GPHN: variants seen among roughly 807,000 people sequenced by gnomAD.
The protein encoded by GPHN is gephyrin.
Under a neutral mutation model 95.5 loss-of-function variants are expected in GPHN, and 17 were observed. That is an observed-to-expected ratio of 0.18 (90% confidence interval 0.12 to 0.27). The LOEUF is 0.27. Among genes scored for constraint, GPHN ranks in the 10% least tolerant of loss-of-function variants. The pLI is 1.00. For missense variants in GPHN, 660 were observed against 978.1 expected, an observed-to-expected ratio of 0.67 and a Z score of 4.34; for synonymous variants, 320 against 322.5, an observed-to-expected ratio of 0.99 and a Z score of 0.08.
the GPHN span, among the ~76,000 whole-genome samples, chr14:67,324,334 ATT>A: frequency 4.9e-4 from 74 of 152,312 alleles, no homozygotes; most frequent in African/African-American, 1.7e-3. Context: ...ATAACATGTT[ATT>A]AATAAGACAG....
At chr14:67,171,574 T>C (rs1217808073) in intron 21 of GPHN, among the ~76,000 whole-genome samples, 1 of 152,068 alleles carries the variant, frequency 6.6e-6, no homozygotes, top group Non-Finnish European at 1.5e-5. Context: ...TAACAACTTA[T>C]CTCAAGCAGT....
chr14:66,836,812 A>C (rs1207015701), intron 4 of GPHN, among the ~76,000 whole-genome samples: 1 of 152,100 alleles, frequency 6.6e-6, no homozygotes, highest in East Asian at 1.9e-4. Flanking sequence ...TCAAAAGAAG[A>C]CATTTATGCA....
At chr14:66,898,466 T>TAAAA (rs59434196) in intron 5 of GPHN, among the ~76,000 whole-genome samples, 112 of 91,740 alleles carry the variant, frequency 1.2e-3, no homozygotes, top group African/African-American at 4.3e-3. Flanking sequence ...GCTACTTGTT[T>TAAAA]AAAAAAAAAA....
chr14:66,510,760 C>T (rs535135919), intron 1 of GPHN, among the ~76,000 whole-genome samples: 1 of 152,156 alleles, frequency 6.6e-6, no homozygotes, highest in East Asian at 1.9e-4. Flanking sequence ...GATGAGGCTT[C>T]TGAGCTAAAT....
rs1202054151 is a variant in GPHN, at chr14:66,685,812, G to A, written c.143+4627G>A. 2.6e-5 allele frequency among the ~76,000 whole-genome samples: 4 copies of A among 152,318 alleles called. No homozygotes were observed. The South Asian group carries it at 8.3e-4, about 32-fold the overall frequency. On this transcript the variant is annotated intron_variant, in intron 2 of 22. Transcript: ENST00000478722. ...TTGCTTTTGGTGTTTTAGACATGAA[G>A]TCCTTGCCCATGCCTATGTCCTGAA...
chr14:67,609,725 C>T, the GPHN span, among the ~76,000 whole-genome samples: 2 of 152,094 alleles, frequency 1.3e-5, no homozygotes, highest in African/African-American at 4.8e-5. Context: ...ACCTTTATTG[C>T]TCCAGAGCTG....
At chr14:67,078,194 G>A (rs537696214) in intron 11 of GPHN, among the ~76,000 whole-genome samples, 14 of 152,082 alleles carry the variant, frequency 9.2e-5, no homozygotes, top group Non-Finnish European at 1.3e-4. Flanking sequence ...GCAAATTCCC[G>A]ACATCAAATG....
chr14:66,900,902 T>G (rs150425155), intron 5 of GPHN, among the ~76,000 whole-genome samples: 2 of 152,130 alleles, frequency 1.3e-5, no homozygotes, highest in Non-Finnish European at 2.9e-5. Context: ...TGGATATATA[T>G]CCAGCAGTGC....
the GPHN span, among the ~76,000 whole-genome samples, chr14:67,361,657 A>C: frequency 6.6e-6 from 1 of 152,244 alleles, no homozygotes; most frequent in African/African-American, 2.4e-5. Context: ...TTTGTCATGC[A>C]AAATAACTGA....
chr14:67,161,502 C>T (rs929722782), intron 19 of GPHN, among the ~76,000 whole-genome samples: 1 of 151,986 alleles, frequency 6.6e-6, no homozygotes, highest in African/African-American at 2.4e-5. Context: ...TGGCTCACAC[C>T]TATAATCCCA....
chr14:66,690,989 C>T (rs1018350776), intron 2 of GPHN, among the ~76,000 whole-genome samples: 3 of 152,178 alleles, frequency 2.0e-5, no homozygotes, highest in Admixed American at 6.5e-5. Context: ...GACTCACTTA[C>T]GTATTTCAGT....
chr14:66,849,645 A>G (rs1651118187), intron 4 of GPHN, among the ~76,000 whole-genome samples: 1 of 151,972 alleles, frequency 6.6e-6, no homozygotes, highest in South Asian at 2.1e-4. Flanking sequence ...TTTTATTGGC[A>G]TATTGTAGAG....
intron 3 of GPHN, among the ~76,000 whole-genome samples, chr14:66,799,187 T>C (rs2060260573): frequency 1.3e-5 from 2 of 152,020 alleles, no homozygotes. Context: ...ATGCTTGATA[T>C]TATTTTAGTT....
chr14:66,545,893 C>T (rs1189963291), intron 1 of GPHN, among the ~76,000 whole-genome samples: 10 of 150,774 alleles, frequency 6.6e-5, no homozygotes, highest in South Asian at 2.1e-4. Flanking sequence ...CTGGACGGGG[C>T]GGCTGGCCTA....
At position 67,110,273 on chromosome 14, in the gene GPHN, A is replaced by G; in HGVS notation, c.1413+14A>G. The G allele has an allele frequency of 6.2e-7, 1 of 1,613,122 alleles. No homozygotes were observed. The highest frequency in any genetic ancestry group is 2.2e-5 in the East Asian group (1 of 44,868). Reference sequence around the variant, plus strand: ...GAATCAGATGATGTACGTCATCACCAAGTCTTACTGTGCTGTTGTTCCTAT... The same window carrying G: ...GAATCAGATGATGTACGTCATCACCGAGTCTTACTGTGCTGTTGTTCCTAT... On this transcript the variant is annotated intron_variant, in intron 14 of 22. Coordinates refer to ENST00000478722, the MANE Select transcript of GPHN (RefSeq NM_020806.5).
chr14:67,271,156 G>A, the GPHN span: 1 of 152,144 alleles, frequency 6.6e-6, no homozygotes, highest in South Asian at 2.1e-4. Context: ...CAGGTATCAC[G>A]GCTATAGAGG....
chr14:67,409,496 T>C, the GPHN span, among the ~76,000 whole-genome samples: 4 of 152,218 alleles, frequency 2.6e-5, no homozygotes, highest in African/African-American at 9.7e-5. Context: ...CACATTGCAA[T>C]GTTATTCACA....
chr14:66,813,641 C>T (rs1057408281), intron 3 of GPHN, among the ~76,000 whole-genome samples: 2 of 152,196 alleles, frequency 1.3e-5, no homozygotes, highest in African/African-American at 4.8e-5. Flanking sequence ...ATGTGGAGCC[C>T]AGAGGGTTTG....
intron 3 of GPHN, among the ~76,000 whole-genome samples, chr14:66,808,529 G>T (rs148799761): frequency 6.6e-6 from 1 of 152,180 alleles, no homozygotes; most frequent in Non-Finnish European, 1.5e-5. Context: ...GACCAGGCGC[G>T]GTGGCTCACG....
Sources: gnomAD v4.1 joint callset for allele counts (sites outside exome capture counted in the v4.1 genomes callset) on GRCh38, gnomAD v4.1.1 for gene constraint, MANE v1.5 for transcripts, NCBI Gene and HGNC (gene_info 2026-07-23, HGNC 2026-07-21) for gene names.